ROBO2: variants seen among roughly 807,000 people sequenced by gnomAD.
ROBO2 encodes the protein roundabout guidance receptor 2.
A neutral mutation model predicts 160.8 loss-of-function variants in ROBO2; 53 were observed. The observed-to-expected ratio is 0.33, with a 90% CI of 0.26 to 0.41. The LOEUF is 0.41. Ranked by LOEUF, ROBO2 falls within the 10% of genes least tolerant of loss-of-function variation. ROBO2 has a pLI of 1.00. For missense variants in ROBO2, 1,577 were observed against 1,722.4 expected (o/e 0.92, Z 1.49); for synonymous variants, 664 against 611.7 (o/e 1.09, Z -1.26).
At chr3:76,732,788 T>TA (rs755778831) in intron 2 of ROBO2, among the ~76,000 whole-genome samples, 94 of 152,270 alleles carry the variant, frequency 6.2e-4, no homozygotes, top group Non-Finnish European at 1.2e-3. Flanking sequence ...GCAACATAAT[T>TA]TAGCAAACAG....
intron 2 of ROBO2, among the ~76,000 whole-genome samples, chr3:76,203,543 C>T (rs1702645194): frequency 6.8e-6 from 1 of 146,052 alleles, no homozygotes; most frequent in Non-Finnish European, 1.5e-5. Context: ...CGGCTTCCCC[C>T]ATAATTTCTT....
intron 2 of ROBO2, among the ~76,000 whole-genome samples, chr3:76,149,230 A>T (rs1270687992): frequency 2.0e-5 from 3 of 152,096 alleles, no homozygotes; most frequent in Non-Finnish European, 4.4e-5. Flanking sequence ...CTCCTAATCC[A>T]AACTTGCAGA....
At chr3:77,391,017 G>A (rs769826099) in intron 2 of ROBO2, among the ~76,000 whole-genome samples, 6 of 152,012 alleles carry the variant, frequency 3.9e-5, no homozygotes, top group Non-Finnish European at 5.9e-5. Flanking sequence ...TCTTCTGAGT[G>A]CTGAATGCCA....
At chr3:76,071,508 T>A (rs1241175318) in intron 2 of ROBO2, among the ~76,000 whole-genome samples, 1 of 152,134 alleles carries the variant, frequency 6.6e-6, no homozygotes. Flanking sequence ...AAATTTTTAT[T>A]TCAACCCGGT....
chr3:77,548,494 A>T (rs1023015794), intron 7 of ROBO2, among the ~76,000 whole-genome samples: 5 of 152,046 alleles, frequency 3.3e-5, no homozygotes, highest in African/African-American at 1.2e-4. Flanking sequence ...GGTGTAAATC[A>T]CATTCCCTAA....
At chr3:75,961,416 C>T (rs1029813248) in intron 2 of ROBO2, among the ~76,000 whole-genome samples, 1 of 151,582 alleles carries the variant, frequency 6.6e-6, no homozygotes, top group African/African-American at 2.4e-5. Context: ...TGATACATTG[C>T]TAAGGAGTAA....
At chr3:77,200,001 T>C (rs2082679489) in intron 2 of ROBO2, among the ~76,000 whole-genome samples, 1 of 151,590 alleles carries the variant, frequency 6.6e-6, no homozygotes, top group Non-Finnish European at 1.5e-5. Flanking sequence ...TTATTACATA[T>C]TATTGCATGC....
intron 2 of ROBO2, among the ~76,000 whole-genome samples, chr3:76,953,376 A>G (rs931711822): frequency 1.3e-5 from 2 of 152,220 alleles, no homozygotes; most frequent in Non-Finnish European, 1.5e-5. Flanking sequence ...TAGTGATATC[A>G]GGAAAGGGGC....
chr3:76,242,257 T>TA (rs1397294230), intron 2 of ROBO2, among the ~76,000 whole-genome samples: 1 of 152,168 alleles, frequency 6.6e-6, no homozygotes, highest in Non-Finnish European at 1.5e-5. Flanking sequence ...TCTTGGCTAC[T>TA]AAAAACACAA....
intron 2 of ROBO2, among the ~76,000 whole-genome samples, chr3:76,645,769 A>G (rs1277735877): frequency 6.6e-6 from 1 of 152,156 alleles, no homozygotes; most frequent in Non-Finnish European, 1.5e-5. Flanking sequence ...ATAAGGAAAG[A>G]GAGAAATTCA....
intron 2 of ROBO2, among the ~76,000 whole-genome samples, chr3:75,975,211 A>G (rs2065104787): frequency 6.6e-6 from 1 of 151,476 alleles, no homozygotes. Context: ...GAATATTGGC[A>G]AATTGGGTAA....
At chr3:76,941,529 T>C (rs921411733) in intron 2 of ROBO2, among the ~76,000 whole-genome samples, 2 of 152,186 alleles carry the variant, frequency 1.3e-5, no homozygotes, top group Non-Finnish European at 2.9e-5. Flanking sequence ...GTCTTCATTC[T>C]GCCAAATTAT....
chr3:77,201,336 A>G (rs375683508), intron 2 of ROBO2, among the ~76,000 whole-genome samples: 11 of 152,206 alleles, frequency 7.2e-5, no homozygotes, highest in African/African-American at 2.7e-4. Context: ...TAAATGTTAT[A>G]GGATAATGTA....
At chr3:76,350,460 C>T (rs983305931) in intron 2 of ROBO2, among the ~76,000 whole-genome samples, 1 of 151,966 alleles carries the variant, frequency 6.6e-6, no homozygotes, top group Non-Finnish European at 1.5e-5. Flanking sequence ...AGTTTATTTC[C>T]ATTATAACCT....
rs1561067829 is a variant in ROBO2 at position 77,522,762 on chromosome 3, A to AT, written c.807-9dup. The stretch of plus-strand genomic sequence containing the variant: ...TACTACTATTTAATAAAACCAGTTC[A>AT]TTTTCTACACAGGTATGACATCAAA... On this transcript the variant is annotated splice_polypyrimidine_tract_variant and intron_variant, in intron 5 of 25. Transcript: ENST00000461745. The AT allele has an allele frequency of 6.2e-7, 1 of 1,607,226 alleles. No homozygotes were observed. The highest frequency in any genetic ancestry group is 8.5e-7 in the Non-Finnish European group (1 of 1,175,122).
At chr3:76,456,014 A>G (rs1167935141) in intron 2 of ROBO2, among the ~76,000 whole-genome samples, 2 of 152,184 alleles carry the variant, frequency 1.3e-5, no homozygotes, top group African/African-American at 4.8e-5. Flanking sequence ...TGTGTTGATA[A>G]TAAGACAATA....
At chr3:76,217,551 T>C (rs1280656395) in intron 2 of ROBO2, among the ~76,000 whole-genome samples, 2 of 152,092 alleles carry the variant, frequency 1.3e-5, no homozygotes, top group African/African-American at 4.8e-5. Context: ...GCAAATAAAC[T>C]AGAAAATCTA....
chr3:76,266,433 G>A (rs187534636), intron 2 of ROBO2, among the ~76,000 whole-genome samples: 4 of 152,064 alleles, frequency 2.6e-5, no homozygotes, highest in Admixed American at 2.6e-4. Flanking sequence ...ATCACACAGG[G>A]CATAGTAAAG....
At chr3:77,059,725 A>G (rs2066101802) in intron 1 of ROBO2, among the ~76,000 whole-genome samples, 1 of 152,078 alleles carries the variant, frequency 6.6e-6, no homozygotes, top group Admixed American at 6.6e-5. Context: ...AGATTGACCA[A>G]AGTTTGGGCA....
Sources: gnomAD v4.1 joint callset for allele counts (sites outside exome capture counted in the v4.1 genomes callset) on GRCh38, gnomAD v4.1.1 for gene constraint, MANE v1.5 for transcripts, NCBI Gene and HGNC (gene_info 2026-07-23, HGNC 2026-07-21) for gene names.